Variants in ROBO1 observed in about 807,000 individuals in gnomAD.
The protein encoded by ROBO1 is roundabout homolog 1.
Under a neutral mutation model 195.9 loss-of-function variants are expected in ROBO1, and 149 were observed. The observed-to-expected ratio is 0.76, with a 90% confidence interval of 0.67 to 0.87. ROBO1 has a LOEUF of 0.87. ROBO1 is among the 40% of genes least tolerant of loss of function. The probability of loss-of-function intolerance (pLI) is 0.00; values close to 1 mark genes in which losing one functional copy is unlikely to be tolerated. For missense variants in ROBO1, 1,933 were observed against 2,068.3 expected (o/e 0.93, Z 1.27); for synonymous variants, 816 against 733.2 (o/e 1.11, Z -1.82).
intron 2 of ROBO1, among the ~76,000 whole-genome samples, chr3:79,149,534 GTTGTTGTTGTTT>G (rs1422985541): frequency 1.3e-5 from 2 of 151,066 alleles, no homozygotes; most frequent in African/African-American, 4.9e-5. Context: ...TGTTGTTGTT[GTTGTTGTTGTTT>G]TTGTCTTTCA....
chr3:79,236,128 TAGC>T (rs1270697200), intron 2 of ROBO1, among the ~76,000 whole-genome samples: 2 of 152,122 alleles, frequency 1.3e-5, no homozygotes, highest in African/African-American at 4.8e-5. Context: ...AGATCCTTTC[TAGC>T]AGCAATATGA....
At chr3:79,041,938 G>A (rs1213543373) in intron 3 of ROBO1, among the ~76,000 whole-genome samples, 1 of 152,136 alleles carries the variant, frequency 6.6e-6, no homozygotes, top group East Asian at 1.9e-4. Flanking sequence ...AGTGACAGAA[G>A]TAAACAACTC....
At chr3:78,807,094 C>T (rs753073970) in intron 4 of ROBO1, among the ~76,000 whole-genome samples, 6 of 152,096 alleles carry the variant, frequency 3.9e-5, no homozygotes, top group Non-Finnish European at 7.4e-5. Context: ...AGGAGTGAGC[C>T]ACCGTGCCCG....
intron 2 of ROBO1, among the ~76,000 whole-genome samples, chr3:79,270,392 G>A (rs887322100): frequency 6.6e-6 from 1 of 151,702 alleles, no homozygotes; most frequent in African/African-American, 2.4e-5. Flanking sequence ...GGGGAAGAAT[G>A]TATGTGCCAA....
chr3:79,290,875 T>C (rs2032201204), intron 2 of ROBO1, among the ~76,000 whole-genome samples: 1 of 152,176 alleles, frequency 6.6e-6, no homozygotes, highest in Non-Finnish European at 1.5e-5. Context: ...TGTCATCTAA[T>C]TCTCTCCAGG....
chr3:78,964,749 T>TA (rs1458629893), intron 3 of ROBO1, among the ~76,000 whole-genome samples: 4 of 149,328 alleles, frequency 2.7e-5, no homozygotes, highest in African/African-American at 9.8e-5. Context: ...TCATACAACT[T>TA]AGTCCAATGG....
chr3:78,884,667 G>A (rs550180542), intron 4 of ROBO1, among the ~76,000 whole-genome samples: 10 of 102,164 alleles, frequency 9.8e-5, no homozygotes, highest in Admixed American at 2.1e-4. Context: ...AAGGAAGGAA[G>A]GAAGGAAGGA....
At chr3:79,343,983 T>A (rs896827824) in intron 2 of ROBO1, among the ~76,000 whole-genome samples, 2 of 152,078 alleles carry the variant, frequency 1.3e-5, no homozygotes, top group African/African-American at 2.4e-5. Context: ...ATCTCAGTAC[T>A]AAAGTCAGAA....
intron 3 of ROBO1, among the ~76,000 whole-genome samples, chr3:78,981,513 G>T (rs1035774097): frequency 1.1e-4 from 16 of 152,068 alleles, no homozygotes; most frequent in African/African-American, 3.9e-4. Flanking sequence ...AGACAATCCA[G>T]TAGTGTTAAG....
At chr3:78,768,668 T>C (rs2083289471) in intron 4 of ROBO1, among the ~76,000 whole-genome samples, 4 of 151,928 alleles carry the variant, frequency 2.6e-5, no homozygotes, top group Admixed American at 2.6e-4. Flanking sequence ...TTTATTATTA[T>C]ACTTTAAGTT....
chr3:79,673,317 T>C lies in ROBO1; in HGVS notation c.-50-83356A>G, dbSNP rs1439211677. Among the ~76,000 whole-genome samples, 6 of 152,082 alleles carry C rather than the reference T, an allele frequency of 3.9e-5. No individual in the cohort carries two copies. The East Asian group carries it at 1.2e-3, about 30-fold the overall frequency. ...GAGGGTAAAACATGAATGTTTTATA[T>C]GTGTGTGGGTGTGGGTGTGTGAGGG... On this transcript the variant is annotated intron_variant, in intron 1 of 30. Transcript: ENST00000464233.
intron 3 of ROBO1, among the ~76,000 whole-genome samples, chr3:79,014,531 G>A (rs975500948): frequency 1.1e-4 from 16 of 152,134 alleles, no homozygotes; most frequent in African/African-American, 3.9e-4. Flanking sequence ...TGTGGTCAGA[G>A]GGCACACTCC....
At chr3:79,089,884 A>T (rs2079443070) in intron 3 of ROBO1, among the ~76,000 whole-genome samples, 1 of 150,868 alleles carries the variant, frequency 6.6e-6, no homozygotes, top group East Asian at 1.9e-4. Flanking sequence ...AATTTACGAC[A>T]GTTGTTTGCA....
chr3:79,088,858 C>A (rs2079424478), intron 3 of ROBO1, among the ~76,000 whole-genome samples: 1 of 151,908 alleles, frequency 6.6e-6, no homozygotes, highest in African/African-American at 2.4e-5. Context: ...TTGTGTTTTG[C>A]AATGACATAT....
chr3:79,245,634 C>T (rs1328859596), intron 2 of ROBO1, among the ~76,000 whole-genome samples: 1 of 151,706 alleles, frequency 6.6e-6, no homozygotes, highest in Non-Finnish European at 1.5e-5. Context: ...CCCACCCCAC[C>T]CCTCAAAAAA....
intron 4 of ROBO1, among the ~76,000 whole-genome samples, chr3:78,919,634 T>C (rs959244642): frequency 4.6e-5 from 7 of 152,222 alleles, no homozygotes; most frequent in African/African-American, 1.7e-4. Context: ...ATGATCTCCC[T>C]GGTCATGTTA....
At chr3:78,858,145 G>A (rs947082579) in intron 4 of ROBO1, among the ~76,000 whole-genome samples, 2 of 152,150 alleles carry the variant, frequency 1.3e-5, no homozygotes, top group Non-Finnish European at 2.9e-5. Context: ...AGGGCTTTAA[G>A]TGTGGCTAGC....
chr3:79,502,424 G>A (rs1940132807), intron 2 of ROBO1, among the ~76,000 whole-genome samples: 1 of 152,128 alleles, frequency 6.6e-6, no homozygotes, highest in Non-Finnish European at 1.5e-5. Context: ...TCGATTTCTC[G>A]CCGGGCCTTA....
intron 4 of ROBO1, among the ~76,000 whole-genome samples, chr3:78,850,574 A>G (rs971060448): frequency 7.2e-5 from 11 of 152,180 alleles, no homozygotes; most frequent in Non-Finnish European, 1.5e-5. Context: ...TATAACAAAA[A>G]TATCTGTGGG....
Sources: gnomAD v4.1 joint callset for allele counts (sites outside exome capture counted in the v4.1 genomes callset) on GRCh38, gnomAD v4.1.1 for gene constraint, MANE v1.5 for transcripts, NCBI Gene and HGNC (gene_info 2026-07-23, HGNC 2026-07-21) for gene names.